Variants in AUH observed in about 807,000 individuals in gnomAD.
AUH encodes methylglutaconyl-CoA hydratase, mitochondrial.
In AUH, 29 loss-of-function variants were observed where a neutral mutation model predicts 42.3. The ratio of observed to expected loss-of-function variants is 0.69; its 90% CI spans 0.51 to 0.93. The LOEUF is 0.93. AUH is among the 40% of genes least tolerant of loss of function. AUH has a pLI of 0.00. For synonymous variants in AUH, 174 were observed against 166.4 expected, an observed-to-expected ratio of 1.05 and a Z score of -0.35; for missense variants, 452 against 438.1, an observed-to-expected ratio of 1.03 and a Z score of -0.28.
chr9:91,253,284 C>A (rs1207601106), intron 6 of AUH, among the ~76,000 whole-genome samples: 1 of 152,132 alleles, frequency 6.6e-6, no homozygotes, highest in African/African-American at 2.4e-5. Flanking sequence ...AAGTGAGCAA[C>A]TAACTAGAAC....
chr9:91,275,205 G>A (rs916464358), intron 6 of AUH, among the ~76,000 whole-genome samples: 1 of 152,160 alleles, frequency 6.6e-6, no homozygotes, highest in African/African-American at 2.4e-5. Flanking sequence ...GAAACACAGA[G>A]AGGCAAGTCA....
intron 6 of AUH, among the ~76,000 whole-genome samples, chr9:91,245,600 C>T (rs551688486): frequency 1.3e-5 from 2 of 152,228 alleles, no homozygotes; most frequent in South Asian, 4.1e-4. Flanking sequence ...GTAGGAAGTG[C>T]CTGAGTGAGA....
intron 6 of AUH, among the ~76,000 whole-genome samples, chr9:91,222,512 T>C (rs1827190199): frequency 6.6e-6 from 1 of 152,250 alleles, no homozygotes; most frequent in African/African-American, 2.4e-5. Context: ...GGTGAGTTTA[T>C]ATAAGTGTTT....
chr9:91,218,923 C>T, intron 7 of AUH: 1 of 985,304 alleles, frequency 1.0e-6, no homozygotes, highest in Non-Finnish European at 1.2e-6. Flanking sequence ...AACTCAACAT[C>T]TTCTTATACA....
At chr9:91,336,606 G>T (rs372339057) in intron 3 of AUH, among the ~76,000 whole-genome samples, 13 of 149,588 alleles carry the variant, frequency 8.7e-5, no homozygotes, top group African/African-American at 3.2e-4. Context: ...CTGCACTCCA[G>T]CCTGGGTGAC....
intron 6 of AUH, among the ~76,000 whole-genome samples, chr9:91,271,660 G>A (rs1276189343): frequency 6.6e-6 from 1 of 152,176 alleles, no homozygotes; most frequent in Admixed American, 6.5e-5. Flanking sequence ...CTTCTATAAT[G>A]CAATACAAAA....
intron 3 of AUH, among the ~76,000 whole-genome samples, chr9:91,329,199 A>G (rs1333825222): frequency 6.6e-6 from 1 of 152,050 alleles, no homozygotes; most frequent in Non-Finnish European, 1.5e-5. Flanking sequence ...TGATATGGAC[A>G]TTCACTTACA....
chr9:91,312,690 C>T (rs1288538671), intron 4 of AUH, among the ~76,000 whole-genome samples: 1 of 152,312 alleles, frequency 6.6e-6, no homozygotes. Flanking sequence ...CGTGCCACTG[C>T]ACTCCAGCCT....
chr9:91,248,054 T>C (rs1490272068), intron 6 of AUH, among the ~76,000 whole-genome samples: 1 of 152,260 alleles, frequency 6.6e-6, no homozygotes, highest in East Asian at 1.9e-4. Flanking sequence ...ATGTGGATCA[T>C]GTTCTTGGTG....
chr9:91,311,507 T>C (rs1367646504), intron 4 of AUH, among the ~76,000 whole-genome samples: 1 of 152,244 alleles, frequency 6.6e-6, no homozygotes, highest in African/African-American at 2.4e-5. Context: ...ATTTTAAATA[T>C]TTCTTTATCA....
intron 7 of AUH, 112 bp from the exon 8 acceptor site, chr9:91,217,439 G>T (rs1419073919): frequency 4.3e-6 from 5 of 1,169,626 alleles, no homozygotes; most frequent in Non-Finnish European, 6.2e-6. Flanking sequence ...AGCCAGCAAT[G>T]GCTGTCAGAT....
At chr9:91,337,454 G>C (rs1264582692) in intron 3 of AUH, among the ~76,000 whole-genome samples, 2 of 152,158 alleles carry the variant, frequency 1.3e-5, no homozygotes, top group Non-Finnish European at 2.9e-5. Flanking sequence ...AGTGGACTAT[G>C]GTTAGTTTGA....
At position 91,313,070 on chromosome 9, in the gene AUH, G is replaced by A. The variant is rs200276378; in HGVS notation, c.505+12248C>T. 3.4e-4 allele frequency among the ~76,000 whole-genome samples: 31 copies of A among 91,746 alleles called. No homozygotes were observed. In the South Asian group the frequency reaches 5.1e-3, roughly 15 times the overall value. The allele number at this position is 91,746 out of a possible 152,430, so 60.2% of individuals were successfully genotyped here. On this transcript the variant is annotated intron_variant, in intron 4 of 9. Coordinates refer to ENST00000375731, the MANE Select transcript of AUH (RefSeq NM_001698.3). ...GTTAACAGGTTACATCAGGCTTTGCGGGGGGGGTTGTTTTTTTGGCAAGGG... is the reference window on the plus strand; with the variant it reads ...GTTAACAGGTTACATCAGGCTTTGCAGGGGGGGTTGTTTTTTTGGCAAGGG...
At chr9:91,248,404 A>G (rs1313540429) in intron 6 of AUH, among the ~76,000 whole-genome samples, 2 of 152,242 alleles carry the variant, frequency 1.3e-5, no homozygotes, top group East Asian at 3.8e-4. Context: ...GCCTACAACT[A>G]TTAGAAATAT....
chr9:91,221,502 T>C (rs754300411), intron 6 of AUH, among the ~76,000 whole-genome samples: 1 of 152,214 alleles, frequency 6.6e-6, no homozygotes, highest in Non-Finnish European at 1.5e-5. Context: ...CAATGACTCA[T>C]GAAAACAGGC....
At chr9:91,266,380 A>C (rs752753001) in intron 6 of AUH, among the ~76,000 whole-genome samples, 31 of 151,666 alleles carry the variant, frequency 2.0e-4, no homozygotes, top group Non-Finnish European at 2.9e-5. Context: ...TAAATAAATA[A>C]ATAAATAAAT....
At chr9:91,265,042 T>G (rs1829896326) in intron 6 of AUH, among the ~76,000 whole-genome samples, 1 of 152,184 alleles carries the variant, frequency 6.6e-6, no homozygotes, top group Non-Finnish European at 1.5e-5. Flanking sequence ...TATGATCTTC[T>G]CTTAATCCTC....
At chr9:91,324,676 T>C (rs187692267) in intron 4 of AUH, among the ~76,000 whole-genome samples, 61 of 150,730 alleles carry the variant, frequency 4.0e-4, no homozygotes, top group Admixed American at 3.6e-3. Context: ...ATAGCAACAT[T>C]ATATGCTGGC....
At chr9:91,243,376 A>G (rs1828620855) in intron 6 of AUH, among the ~76,000 whole-genome samples, 1 of 152,258 alleles carries the variant, frequency 6.6e-6, no homozygotes. Flanking sequence ...ATCTGTTATC[A>G]GAGGCAGTGA....
Sources: allele counts gnomAD v4.1 joint callset (sites outside exome capture counted in the v4.1 genomes callset), GRCh38; gene constraint gnomAD v4.1.1; transcripts MANE v1.5; gene names NCBI Gene and HGNC (gene_info 2026-07-23, HGNC 2026-07-21).